Variants in ME3 observed in about 807,000 individuals in gnomAD.
ME3 encodes the protein NADP-dependent malic enzyme, mitochondrial.
A neutral mutation model predicts 68.9 loss-of-function variants in ME3; 48 were observed. That is an observed-to-expected ratio of 0.70 (90% CI 0.55 to 0.89). The LOEUF (loss-of-function observed/expected upper bound fraction) is 0.89. Among genes scored for constraint, ME3 ranks in the 40% least tolerant of loss-of-function variants. The pLI, the probability that ME3 is intolerant of heterozygous loss-of-function variation, is 0.00. For missense variants in ME3, 675 were observed against 797.4 expected, an observed-to-expected ratio of 0.85 and a Z score of 1.85; for synonymous variants, 320 against 318.8, an observed-to-expected ratio of 1.00 and a Z score of -0.04.
intron 8 of ME3, among the ~76,000 whole-genome samples, chr11:86,457,032 CTTTTCCCCCTG>C (rs1949978960): frequency 1.3e-5 from 2 of 152,316 alleles, no homozygotes; most frequent in South Asian, 4.1e-4. Context: ...CAAGTACTTG[CTTTTCCCCCTG>C]TTACCATCGA....
chr11:86,645,454 G>A (rs1215846083), intron 2 of ME3, among the ~76,000 whole-genome samples: 1 of 152,160 alleles, frequency 6.6e-6, no homozygotes, highest in Non-Finnish European at 1.5e-5. Flanking sequence ...CAGGAAGTTT[G>A]GACTGTGCGG....
chr11:86,643,832 G>A (rs1375827401), intron 2 of ME3, among the ~76,000 whole-genome samples: 1 of 152,116 alleles, frequency 6.6e-6, no homozygotes, highest in African/African-American at 2.4e-5. Context: ...AACGGTCTCA[G>A]GGAATCTGGA....
chr11:86,494,060 A>T (rs630454), intron 6 of ME3, among the ~76,000 whole-genome samples: 47,065 of 151,370 alleles, frequency 0.31, 7,541 homozygotes, highest in East Asian at 0.34. Context: ...TTGAAAAAAA[A>T]AAAAGGAACT....
At chr11:86,569,779 G>C (rs886492085) in intron 2 of ME3, among the ~76,000 whole-genome samples, 2 of 152,198 alleles carry the variant, frequency 1.3e-5, no homozygotes, top group East Asian at 3.8e-4. Context: ...AGGAAACTGA[G>C]GTTAGAGTGG....
chr11:86,549,835 G>T (rs1239269234), intron 4 of ME3, among the ~76,000 whole-genome samples: 1 of 152,152 alleles, frequency 6.6e-6, no homozygotes, highest in Non-Finnish European at 1.5e-5. Flanking sequence ...TGAGATGAGG[G>T]GGCTTGGGTG....
In ME3 at chr11:86,554,982, G is replaced by A. The variant is rs546793547; in HGVS notation, c.467+1571C>T. ...GAGGAGGCCAAGAAAGGGGTGGTCA[G>A]TTCAGCCTGAGGGGATGGGGGAGGG... On this transcript the variant is annotated intron_variant, in intron 4 of 14. Transcript: ENST00000543262. Among the ~76,000 whole-genome samples, 73 of 152,330 alleles carry A rather than the reference G, an allele frequency of 4.8e-4. No homozygotes were observed. In the South Asian group the frequency reaches 0.014, roughly 29 times the overall value.
chr11:86,442,640 G>C (rs963368779), intron 14 of ME3, among the ~76,000 whole-genome samples, 181 bp downstream of exon 14: 4 of 151,910 alleles, frequency 2.6e-5, no homozygotes, highest in African/African-American at 9.7e-5. Context: ...CTGGGTGGGT[G>C]TTTGGGGTGG....
chr11:86,444,419 G>A (rs1047368814), intron 13 of ME3, among the ~76,000 whole-genome samples: 7 of 152,126 alleles, frequency 4.6e-5, no homozygotes, highest in Non-Finnish European at 8.8e-5. Flanking sequence ...GGAGCCATAC[G>A]AAGGTCTGAA....
chr11:86,620,882 T>G (rs1943304189), intron 2 of ME3, among the ~76,000 whole-genome samples: 1 of 152,180 alleles, frequency 6.6e-6, no homozygotes, highest in Non-Finnish European at 1.5e-5. Context: ...CTGAGGTTTT[T>G]AAAAAATCAG....
At chr11:86,517,347 G>A (rs572980530) in intron 4 of ME3, among the ~76,000 whole-genome samples, 1 of 152,288 alleles carries the variant, frequency 6.6e-6, no homozygotes, top group South Asian at 2.1e-4. Flanking sequence ...CAGTGTGAGG[G>A]TGACATAGAG....
intron 4 of ME3, among the ~76,000 whole-genome samples, chr11:86,532,095 G>C (rs1955291592): frequency 1.3e-5 from 2 of 151,738 alleles, no homozygotes; most frequent in Admixed American, 1.3e-4. Context: ...GAACAGTATA[G>C]ATATTAAATC....
chr11:86,638,593 T>C (rs1032640145), intron 2 of ME3, among the ~76,000 whole-genome samples: 1 of 152,234 alleles, frequency 6.6e-6, no homozygotes, highest in African/African-American at 2.4e-5. Flanking sequence ...CTTACTAATA[T>C]GATATCATTG....
chr11:86,504,380 CTTTTTTTTTTTTTTTT>C (rs35899335), intron 5 of ME3, among the ~76,000 whole-genome samples: 4 of 77,406 alleles, frequency 5.2e-5, no homozygotes, highest in African/African-American at 2.1e-4. Context: ...CCTATACATT[CTTTTTTTTTTTTTTTT>C]TTTTTTTTTT....
intron 6 of ME3, among the ~76,000 whole-genome samples, chr11:86,495,397 A>G (rs528554289): frequency 3.3e-5 from 5 of 152,302 alleles, no homozygotes; most frequent in African/African-American, 1.2e-4. Flanking sequence ...TGGACCTTCA[A>G]TGACAAAGGA....
chr11:86,561,395 G>T (rs1477578287), intron 2 of ME3, among the ~76,000 whole-genome samples: 1 of 152,052 alleles, frequency 6.6e-6, no homozygotes, highest in Non-Finnish European at 1.5e-5. Flanking sequence ...TGTGTCCCTT[G>T]CTTATTTCTA....
At chr11:86,458,100 T>A (rs1328296489) in intron 8 of ME3, among the ~76,000 whole-genome samples, 1 of 152,254 alleles carries the variant, frequency 6.6e-6, no homozygotes, top group Non-Finnish European at 1.5e-5. Context: ...ACCTCTGCTA[T>A]GAGGCCACAC....
chr11:86,593,218 T>C (rs1959159260), intron 2 of ME3, among the ~76,000 whole-genome samples: 3 of 116,882 alleles, frequency 2.6e-5, no homozygotes, highest in African/African-American at 6.5e-5. Context: ...TAGTAAAAGT[T>C]AGCTACTGCC....
intron 2 of ME3, chr11:86,622,926 C>T (rs182710614): frequency 6.6e-6 from 1 of 150,728 alleles, no homozygotes; most frequent in East Asian, 1.9e-4. Flanking sequence ...CAAACCCTAC[C>T]TCCACCTCTT....
chr11:86,533,695 A>C (rs1955429619), intron 4 of ME3, among the ~76,000 whole-genome samples: 1 of 152,234 alleles, frequency 6.6e-6, no homozygotes, highest in Non-Finnish European at 1.5e-5. Context: ...AGAAAAGAAG[A>C]CTACAGGCTA....
Sources: gnomAD v4.1 joint callset for allele counts (sites outside exome capture counted in the v4.1 genomes callset) on GRCh38, gnomAD v4.1.1 for gene constraint, MANE v1.5 for transcripts, NCBI Gene and HGNC (gene_info 2026-07-23, HGNC 2026-07-21) for gene names.